Variants in SHB observed in about 807,000 individuals in gnomAD.
SHB encodes SH2 domain containing adaptor protein B, also known as SH2 domain-containing adapter protein B.
A neutral mutation model predicts 52.3 loss-of-function variants in SHB; 20 were observed. The ratio of observed to expected loss-of-function variants is 0.38; its 90% CI spans 0.27 to 0.56. SHB has a LOEUF of 0.56. SHB is among the 20% of genes least tolerant of loss of function. The pLI is 0.71. For synonymous variants in SHB, 397 were observed against 316.5 expected, an observed-to-expected ratio of 1.25 and a Z score of -2.70; for missense variants, 825 against 723.3, an observed-to-expected ratio of 1.14 and a Z score of -1.61.
At chr9:37,999,765 T>C (rs1486582162) in intron 2 of SHB, among the ~76,000 whole-genome samples, 1 of 152,156 alleles carries the variant, frequency 6.6e-6, no homozygotes, top group African/African-American at 2.4e-5. Context: ...CCAGGACAGG[T>C]TAGCACTAAA....
intron 2 of SHB, among the ~76,000 whole-genome samples, chr9:37,989,441 T>C (rs564651244): frequency 2.0e-5 from 3 of 152,252 alleles, no homozygotes; most frequent in African/African-American, 7.2e-5. Flanking sequence ...TGGGACTTCC[T>C]ACCTGGCCCA....
intron 2 of SHB, among the ~76,000 whole-genome samples, chr9:38,002,491 C>T (rs545224445): frequency 1.3e-5 from 2 of 152,198 alleles, no homozygotes; most frequent in Admixed American, 6.5e-5. Context: ...AGAGCACTAC[C>T]GAACCACGTG....
chr9:37,933,697 C>T (rs140193042), intron 5 of SHB, among the ~76,000 whole-genome samples: 53 of 152,198 alleles, frequency 3.5e-4, no homozygotes, highest in Middle Eastern at 3.4e-3. Context: ...CTGTAATATC[C>T]GCAATATTTA....
chr9:37,974,845 C>T lies in SHB; in HGVS notation c.839-8G>A, dbSNP rs184504139. On this transcript the variant is annotated splice_polypyrimidine_tract_variant and splice_region_variant and intron_variant, in intron 2 of 5. Transcript: ENST00000377707. ...TTTCCTGCCTCTGAAATTCTGCAGG[C>T]AAAAAGGAAGGAAGCAGAGATGAAA... 6.2e-7 allele frequency: 1 copy of T among 1,609,926 alleles called. No homozygotes were observed. Among genetic ancestry groups the T allele is most frequent in the East Asian group, 2.2e-5 (1 of 44,868 alleles).
chr9:37,951,061 G>C (rs1832561155), intron 4 of SHB, among the ~76,000 whole-genome samples: 1 of 152,176 alleles, frequency 6.6e-6, no homozygotes, highest in Non-Finnish European at 1.5e-5. Context: ...CCACTCATGA[G>C]GCAGAGCTCA....
chr9:37,963,294 C>T (rs778644387), intron 3 of SHB, among the ~76,000 whole-genome samples: 2 of 152,184 alleles, frequency 1.3e-5, no homozygotes, highest in Non-Finnish European at 2.9e-5. Flanking sequence ...CTATGACCCT[C>T]TCAGTTCTCC....
intron 1 of SHB, among the ~76,000 whole-genome samples, chr9:38,043,465 C>T (rs1209986455): frequency 6.6e-6 from 1 of 152,208 alleles, no homozygotes; most frequent in Non-Finnish European, 1.5e-5. Context: ...AAAGTGATCA[C>T]TGGAAGCACC....
At chr9:38,012,706 C>T (rs777258094) in intron 2 of SHB, among the ~76,000 whole-genome samples, 3 of 151,514 alleles carry the variant, frequency 2.0e-5, no homozygotes, top group Non-Finnish European at 4.4e-5. Context: ...GACTCCAGCC[C>T]ACGCTCCTCC....
chr9:37,960,079 A>G (rs1453883658), intron 3 of SHB, among the ~76,000 whole-genome samples: 1 of 152,222 alleles, frequency 6.6e-6, no homozygotes, highest in Non-Finnish European at 1.5e-5. Flanking sequence ...TAATTTACAC[A>G]TTTGCTGGCA....
intron 1 of SHB, among the ~76,000 whole-genome samples, chr9:38,033,354 G>C (rs1821440866): frequency 6.6e-6 from 1 of 152,172 alleles, no homozygotes; most frequent in African/African-American, 2.4e-5. Context: ...GCCAATTCGG[G>C]GAGGGGGCCC....
intron 1 of SHB, among the ~76,000 whole-genome samples, chr9:38,030,953 C>T (rs1378397769): frequency 6.9e-6 from 1 of 144,820 alleles, no homozygotes; most frequent in Non-Finnish European, 1.5e-5. Context: ...AAAAATTATA[C>T]AAAAAAAAAA....
intron 1 of SHB, among the ~76,000 whole-genome samples, chr9:38,054,446 T>A (rs1821786645): frequency 6.6e-6 from 1 of 152,234 alleles, no homozygotes; most frequent in African/African-American, 2.4e-5. Flanking sequence ...GTCACATGCC[T>A]GCACAGTTAA....
chr9:37,986,923 C>G (rs1225163581), intron 2 of SHB, among the ~76,000 whole-genome samples: 2 of 152,254 alleles, frequency 1.3e-5, no homozygotes, highest in Non-Finnish European at 2.9e-5. Flanking sequence ...GCGCCCCACA[C>G]ACGCGATCTT....
intron 3 of SHB, among the ~76,000 whole-genome samples, chr9:37,961,578 C>G (rs1210775964): frequency 6.6e-6 from 1 of 152,234 alleles, no homozygotes; most frequent in Non-Finnish European, 1.5e-5. Flanking sequence ...CACACCCACC[C>G]TTAGGTTCCA....
At chr9:37,938,291 G>A (rs891826005) in intron 5 of SHB, among the ~76,000 whole-genome samples, 4 of 152,048 alleles carry the variant, frequency 2.6e-5, no homozygotes, top group Admixed American at 6.5e-5. Context: ...TGTAATCCCC[G>A]GGCTCCTGAT....
Position 38,068,208 on chromosome 9 carries a change from C to G in SHB, c.438G>C (p.Ala146=). Residue 146 remains alanine, a synonymous_variant, in exon 1 of 6, where the codon GCG becomes GCC. Transcript: ENST00000377707. ...AAGCCCASSG[A]GAAASSSSSS... ...ACGAGGACGAGGACGCGGCGGCCCCCGCGCCCGAGGAGGCGCAGCAACAGC... is the reference window on the plus strand; with the variant it reads ...ACGAGGACGAGGACGCGGCGGCCCCGGCGCCCGAGGAGGCGCAGCAACAGC... 1 of 1,397,156 alleles carries G rather than the reference C, an allele frequency of 7.2e-7. No homozygotes were observed. 86.5% of individuals were successfully genotyped at this position (1,397,156 alleles called of 1,614,324 possible). A position where few individuals can be genotyped will look rare whatever the true frequency, so the allele number is the denominator to read the frequency against.
intron 1 of SHB, among the ~76,000 whole-genome samples, chr9:38,029,590 A>G (rs1173326211): frequency 6.9e-6 from 1 of 144,692 alleles, no homozygotes; most frequent in Non-Finnish European, 1.5e-5. Flanking sequence ...CCCCTGGTTC[A>G]AGCAATTCTC....
chr9:37,989,114 T>C (rs1281034536), intron 2 of SHB, among the ~76,000 whole-genome samples: 1 of 151,982 alleles, frequency 6.6e-6, no homozygotes, highest in African/African-American at 2.4e-5. Context: ...CACATTTTAT[T>C]GGCTCTGTTT....
At chr9:38,046,333 C>A (rs955236789) in intron 1 of SHB, among the ~76,000 whole-genome samples, 1 of 152,174 alleles carries the variant, frequency 6.6e-6, no homozygotes, top group African/African-American at 2.4e-5. Flanking sequence ...CAACAGAAAC[C>A]GTGTTGCTGC....
Sources: allele counts gnomAD v4.1 joint callset (sites outside exome capture counted in the v4.1 genomes callset), GRCh38; gene constraint gnomAD v4.1.1; transcripts MANE v1.5; gene names NCBI Gene and HGNC (gene_info 2026-07-23, HGNC 2026-07-21).